The following FRMPD4 variants were observed in gnomAD, a reference collection of about 807,000 sequenced individuals.
FRMPD4 encodes FERM and PDZ domain-containing protein 4.
FRMPD4 carries 22 observed loss-of-function variants against 94.1 expected under a neutral mutation model. The observed-to-expected ratio is 0.23, with a 90% CI of 0.17 to 0.33. The LOEUF is 0.33. Ranked by LOEUF, FRMPD4 falls within the 10% of genes least tolerant of loss-of-function variation. The pLI, the probability that FRMPD4 is intolerant of heterozygous loss-of-function variation, is 1.00. For synonymous variants in FRMPD4, 631 were observed against 548.6 expected (o/e 1.15, Z -2.10); for missense variants, 1,111 against 1,339.9 (o/e 0.83, Z 2.67).
chrX:11,838,944 T>A (rs1470660675), intron 1 of FRMPD4, among the ~76,000 whole-genome samples: 2 of 111,922 alleles, frequency 1.8e-5, no homozygotes, highest in Non-Finnish European at 1.9e-5. Context: ...CCATAGACAT[T>A]CATATACAAG....
chrX:12,442,068 C>T (rs935465035), intron 1 of FRMPD4, among the ~76,000 whole-genome samples: 14 of 111,452 alleles, frequency 1.3e-4, no homozygotes, highest in East Asian at 2.8e-4. Flanking sequence ...CATATGTCAC[C>T]GTTTGCTGGG....
intron 1 of FRMPD4, among the ~76,000 whole-genome samples, chrX:12,417,579 CAAAAA>C (rs33972789): frequency 7.7e-5 from 5 of 64,786 alleles, no homozygotes; most frequent in African/African-American, 2.5e-4. Context: ...GACTTCATCT[CAAAAA>C]AAAAAAAAAA....
intron 1 of FRMPD4, among the ~76,000 whole-genome samples, chrX:12,320,323 GC>G (rs1023483671): frequency 1.8e-5 from 2 of 111,093 alleles, no homozygotes; most frequent in African/African-American, 6.5e-5. Flanking sequence ...TCAAGGCCAC[GC>G]AGCAAGGTAG....
rs1316281029 is a variant in FRMPD4, at chrX:12,722,827, A to G, written c.*969A>G. The G allele has an allele frequency of 8.9e-6, 1 of 111,843 alleles. No individual in the cohort carries two copies. Among genetic ancestry groups the G allele is most frequent in the Non-Finnish European group, 1.9e-5 (1 of 53,234 alleles). 9.2% of individuals were successfully genotyped at this position (111,843 alleles called of 1,213,427 possible). ...TTAAAAAAAGGAACATTTAATGATC[A>G]TCAAAATTAAGTACAGATTCAGTAA... On this transcript the variant is annotated 3_prime_UTR_variant, in exon 17 of 17. Coordinates refer to ENST00000675598, the MANE Select transcript of FRMPD4 (RefSeq NM_001368397.1).
intron 1 of FRMPD4, among the ~76,000 whole-genome samples, chrX:12,390,544 C>T (rs967684706): frequency 6.7e-5 from 7 of 105,236 alleles, no homozygotes; most frequent in Admixed American, 6.2e-4. Context: ...TTCTCCATCA[C>T]CCTTGAATGG....
At chrX:12,344,772 GTT>G (rs1354437362) in intron 1 of FRMPD4, among the ~76,000 whole-genome samples, 1 of 111,870 alleles carries the variant, frequency 8.9e-6, no homozygotes, top group African/African-American at 3.3e-5. Context: ...TTTCGTTGTT[GTT>G]TTTGCAGCCT....
intron 3 of FRMPD4, among the ~76,000 whole-genome samples, chrX:12,003,372 A>T (rs2054534045): frequency 9.3e-6 from 1 of 107,059 alleles, no homozygotes; most frequent in Non-Finnish European, 1.9e-5. Context: ...CCATTAACTT[A>T]ATTCAGTTTG....
intron 3 of FRMPD4, among the ~76,000 whole-genome samples, chrX:11,941,804 G>GT (rs2054161366): frequency 8.9e-6 from 1 of 111,944 alleles, no homozygotes; most frequent in Non-Finnish European, 1.9e-5. Context: ...TGCTCTGCAA[G>GT]TTGAGAAGGT....
chrX:11,896,914 C>T (rs2053907373), intron 3 of FRMPD4, among the ~76,000 whole-genome samples: 2 of 111,546 alleles, frequency 1.8e-5, no homozygotes, highest in African/African-American at 6.5e-5. Context: ...TTCTGCATTT[C>T]TAGCAAGCTC....
At chrX:12,466,219 G>A (rs1211816103) in intron 1 of FRMPD4, among the ~76,000 whole-genome samples, 1 of 112,170 alleles carries the variant, frequency 8.9e-6, no homozygotes, top group Admixed American at 9.5e-5. Context: ...TGCAGATGGA[G>A]CATTAGAACT....
At chrX:12,720,039 G>A (rs1229525947) in intron 16 of FRMPD4, among the ~76,000 whole-genome samples, 1 of 27,935 alleles carries the variant, frequency 3.6e-5, no homozygotes, top group Non-Finnish European at 8.1e-5. Flanking sequence ...GGAAAGGAAA[G>A]GAAAGGAAAG....
intron 3 of FRMPD4, among the ~76,000 whole-genome samples, chrX:11,949,864 G>T (rs191459254): frequency 7.2e-5 from 8 of 111,499 alleles, no homozygotes; most frequent in East Asian, 2.8e-4. Flanking sequence ...GTTGTTTTTG[G>T]TTTTTTTAGA....
At chrX:12,640,107 T>C (rs1196214342) in intron 4 of FRMPD4, among the ~76,000 whole-genome samples, 1 of 109,490 alleles carries the variant, frequency 9.1e-6, no homozygotes, top group Admixed American at 9.8e-5. Context: ...GAGACCAGCC[T>C]GGGCAACATG....
intron 1 of FRMPD4, among the ~76,000 whole-genome samples, chrX:12,401,028 C>T (rs2056602575): frequency 8.9e-6 from 1 of 111,950 alleles, no homozygotes; most frequent in Admixed American, 9.4e-5. Context: ...GAAGCAAGTC[C>T]AATGTCCAAG....
intron 3 of FRMPD4, among the ~76,000 whole-genome samples, chrX:12,084,178 G>GT (rs368865044): frequency 8.1e-5 from 2 of 24,668 alleles, no homozygotes; most frequent in Non-Finnish European, 1.1e-4. Context: ...GGGACCCAGT[G>GT]GGGGGGGGGG....
At chrX:12,430,382 G>A (rs2056997873) in intron 1 of FRMPD4, among the ~76,000 whole-genome samples, 1 of 112,225 alleles carries the variant, frequency 8.9e-6, no homozygotes, top group African/African-American at 3.2e-5. Flanking sequence ...AGGTAGCCCT[G>A]CCTTCTCTTC....
At chrX:11,885,922 G>A (rs907201857) in intron 3 of FRMPD4, among the ~76,000 whole-genome samples, 3 of 111,799 alleles carry the variant, frequency 2.7e-5, no homozygotes, top group African/African-American at 9.8e-5. Context: ...GTGCATGAAA[G>A]CTATTATTTC....
chrX:12,694,530 T>G, intron 9 of FRMPD4, 76 bp downstream of exon 9: 1 of 772,211 alleles, frequency 1.3e-6, no homozygotes, highest in South Asian at 2.6e-5. Context: ...CTGAATTCTT[T>G]AACTTGAAAT....
intron 2 of FRMPD4, among the ~76,000 whole-genome samples, chrX:12,546,300 C>A (rs2058475470): frequency 9.1e-6 from 1 of 110,388 alleles, no homozygotes. Context: ...ACTGCAGCCT[C>A]CCGAGTAGCT....
Sources: allele counts gnomAD v4.1 joint callset (sites outside exome capture counted in the v4.1 genomes callset), GRCh38; gene constraint gnomAD v4.1.1; transcripts MANE v1.5; gene names NCBI Gene and HGNC (gene_info 2026-07-23, HGNC 2026-07-21).